Variants in ZFAT observed in about 807,000 individuals in gnomAD.
ZFAT encodes the protein zinc finger protein ZFAT.
In ZFAT, 64 loss-of-function variants were observed where a neutral mutation model predicts 117.7. That is an observed-to-expected ratio of 0.54 (90% CI 0.44 to 0.67). The LOEUF is 0.67. ZFAT is among the 30% of genes least tolerant of loss of function. The pLI, the probability that ZFAT is intolerant of heterozygous loss-of-function variation, is 0.00. For missense variants in ZFAT, 1,433 were observed against 1,584.5 expected (o/e 0.90, Z 1.62); for synonymous variants, 679 against 615.0 (o/e 1.10, Z -1.54).
At chr8:134,774,773 C>G in the ZFAT span, among the ~76,000 whole-genome samples, 2 of 152,164 alleles carry the variant, frequency 1.3e-5, no homozygotes, top group Non-Finnish European at 2.9e-5. Flanking sequence ...TCTTCTCATT[C>G]GCCAACTCTG....
At chr8:134,482,972 C>T (rs1240658878) in intron 15 of ZFAT, among the ~76,000 whole-genome samples, 2 of 152,164 alleles carry the variant, frequency 1.3e-5, no homozygotes, top group African/African-American at 2.4e-5. Context: ...AGACGCTGCC[C>T]ACACAGATGT....
intron 5 of ZFAT, among the ~76,000 whole-genome samples, chr8:134,606,713 GTGAGACTCT>G (rs1313453884): frequency 3.5e-5 from 5 of 142,756 alleles, no homozygotes; most frequent in African/African-American, 1.3e-4. Context: ...GGGTAACAGA[GTGAGACTCT>G]GTCTCAGAAA....
At chr8:134,519,201 A>G (rs1246838378) in intron 13 of ZFAT, among the ~76,000 whole-genome samples, 1 of 152,192 alleles carries the variant, frequency 6.6e-6, no homozygotes, top group East Asian at 1.9e-4. Context: ...AGATCATATT[A>G]CCTTGATAAA....
chr8:134,831,472 T>C, the ZFAT span, among the ~76,000 whole-genome samples: 1 of 152,200 alleles, frequency 6.6e-6, no homozygotes, highest in African/African-American at 2.4e-5. Flanking sequence ...CGTTCATCTC[T>C]GGTCCCCATC....
chr8:134,696,204 A>C (rs1373668415), intron 1 of ZFAT, among the ~76,000 whole-genome samples: 3 of 152,076 alleles, frequency 2.0e-5, no homozygotes, highest in African/African-American at 7.2e-5. Context: ...AGGAGGTGCC[A>C]CCGCCAGGCG....
At chr8:134,798,772 A>T in the ZFAT span, among the ~76,000 whole-genome samples, 1 of 152,116 alleles carries the variant, frequency 6.6e-6, no homozygotes, top group African/African-American at 2.4e-5. Flanking sequence ...TAGGAATTTA[A>T]CCTACAGGCT....
chr8:134,498,283 T>C (rs1194360724), intron 15 of ZFAT, among the ~76,000 whole-genome samples: 21 of 134,692 alleles, frequency 1.6e-4, no homozygotes, highest in Admixed American at 4.5e-4. Context: ...GTGATGCCCC[T>C]GCTGCTGGTT....
chr8:134,825,730 T>G, the ZFAT span, among the ~76,000 whole-genome samples: 3 of 152,158 alleles, frequency 2.0e-5, no homozygotes, highest in Non-Finnish European at 4.4e-5. Context: ...ACTTAAGAAA[T>G]GGTCCTCAGG....
At chr8:134,671,256 G>A (rs1832547821) in intron 1 of ZFAT, among the ~76,000 whole-genome samples, 1 of 152,158 alleles carries the variant, frequency 6.6e-6, no homozygotes, top group African/African-American at 2.4e-5. Flanking sequence ...CATTTTATGA[G>A]GCCAGCATCG....
At chr8:134,725,646 C>T in the ZFAT span, among the ~76,000 whole-genome samples, 2 of 152,006 alleles carry the variant, frequency 1.3e-5, no homozygotes, top group Non-Finnish European at 2.9e-5. Flanking sequence ...TACAATTCAA[C>T]GTGAGATTTG....
the ZFAT span, among the ~76,000 whole-genome samples, chr8:134,745,980 C>T: frequency 9.2e-5 from 14 of 152,164 alleles, no homozygotes; most frequent in Non-Finnish European, 1.9e-4. Flanking sequence ...TTCACATCAG[C>T]CCCTTTGCCT....
the ZFAT span, among the ~76,000 whole-genome samples, chr8:134,831,059 C>G: frequency 6.6e-6 from 1 of 152,160 alleles, no homozygotes; most frequent in Non-Finnish European, 1.5e-5. Context: ...ATTACTTAAC[C>G]CTGGCAGTTA....
chr8:134,656,979 T>C (rs16905212), intron 2 of ZFAT, among the ~76,000 whole-genome samples: 44,788 of 152,132 alleles, frequency 0.29, 7,141 homozygotes, highest in South Asian at 0.53. Flanking sequence ...ACCCAAAGGA[T>C]TCTGTGCAAA....
the ZFAT span, among the ~76,000 whole-genome samples, chr8:134,789,911 G>A: frequency 8.5e-5 from 13 of 152,146 alleles, no homozygotes; most frequent in African/African-American, 2.7e-4. Context: ...CATAACTTAT[G>A]TAAAGTCATC....
chr8:134,814,011 G>A, the ZFAT span, among the ~76,000 whole-genome samples: 3 of 151,946 alleles, frequency 2.0e-5, no homozygotes, highest in Admixed American at 1.3e-4. Context: ...TTATAACACA[G>A]AATCAAGAGA....
chr8:134,557,384 T>A lies in ZFAT; in HGVS notation c.2976+7949A>T, dbSNP rs1359822957. Among the ~76,000 whole-genome samples, 3 of 152,322 alleles carry A rather than the reference T, an allele frequency of 2.0e-5. No homozygotes were observed. The East Asian group carries it at 5.8e-4, about 29-fold the overall frequency. On this transcript the variant is annotated intron_variant, in intron 11 of 15. Transcript: ENST00000377838. ...ACATGAGGACTAAGGTACTGTGGTA[T>A]CCTAATGGGATCCTGAAATAGGCAA...
At chr8:134,598,530 A>G (rs1479302532) in intron 7 of ZFAT, 1 of 152,286 alleles carries the variant, frequency 6.6e-6, no homozygotes, top group Non-Finnish European at 1.5e-5. Flanking sequence ...CCCACTGATC[A>G]TGAGGCCCAA....
chr8:134,648,791 G>A (rs1258058142), intron 2 of ZFAT, among the ~76,000 whole-genome samples: 1 of 151,916 alleles, frequency 6.6e-6, no homozygotes, highest in Admixed American at 6.6e-5. Context: ...ATGCTATGAG[G>A]CCACTATTAC....
chr8:134,817,394 T>TCC, the ZFAT span, among the ~76,000 whole-genome samples: 1 of 125,980 alleles, frequency 7.9e-6, no homozygotes, highest in Non-Finnish European at 1.7e-5. Flanking sequence ...TCTCTCTCTC[T>TCC]ACACACACAC....
Sources: allele counts gnomAD v4.1 joint callset (sites outside exome capture counted in the v4.1 genomes callset), GRCh38; gene constraint gnomAD v4.1.1; transcripts MANE v1.5; gene names NCBI Gene and HGNC (gene_info 2026-07-23, HGNC 2026-07-21).